ITGA2B: variants seen among roughly 807,000 people sequenced by gnomAD.
ITGA2B encodes the protein integrin alpha-IIb.
ITGA2B carries 91 observed loss-of-function variants against 142.0 expected under a neutral mutation model. That is an observed-to-expected ratio of 0.64 (90% CI 0.54 to 0.76). The LOEUF is 0.76. Ranked by LOEUF, ITGA2B falls within the 30% of genes least tolerant of loss-of-function variation. ITGA2B has a pLI of 0.00. For synonymous variants in ITGA2B, 536 were observed against 567.2 expected (o/e 0.94, Z 0.78); for missense variants, 1,231 against 1,350.8 (o/e 0.91, Z 1.39).
chr17:44,375,779 C>T, intron 25 of ITGA2B, 54 bp downstream of exon 25: 1 of 1,557,034 alleles, frequency 6.4e-7, no homozygotes, highest in Non-Finnish European at 8.7e-7. Flanking sequence ...CAGAGGTGCC[C>T]CGGTGGTTGG....
Position 44,380,501 on chromosome 17 carries a change from A to G in ITGA2B, c.1440-11T>C. 6.2e-7 allele frequency: 1 copy of G among 1,613,932 alleles called. No individual in the cohort carries two copies. The highest frequency in any genetic ancestry group is 8.5e-7 in the Non-Finnish European group (1 of 1,179,802). On this transcript the variant is annotated splice_polypyrimidine_tract_variant and intron_variant, in intron 14 of 29. Transcript: ENST00000262407. Reference sequence around the variant, plus strand: ...ACCACTGGCTGAGCTCTGATGGGATAGGGTGATGGGGTAGGCTTGCCATTG... The same window carrying G: ...ACCACTGGCTGAGCTCTGATGGGATGGGGTGATGGGGTAGGCTTGCCATTG...
In ITGA2B at chr17:44,385,870, C is replaced by T. The variant is rs866742833; in HGVS notation, c.362G>A (p.Arg121His). Reference sequence around the variant, plus strand: ...GACGACCGACGCCCCCAGTCCTTGGCGGGCCTTGAAGGTTTGTAAAGTTTG... The same window carrying T: ...GACGACCGACGCCCCCAGTCCTTGGTGGGCCTTGAAGGTTTGTAAAGTTTG... ...GSQTLQTFKA[R>H]QGLGASVVSW... Residue 121 changes from arginine to histidine, a missense_variant, in exon 3 of 30, where the codon CGC becomes CAC. Arg to His is a conservative substitution (Grantham distance 29). Coordinates refer to ENST00000262407, the MANE Select transcript of ITGA2B (RefSeq NM_000419.5). 4 of 1,606,374 alleles carry T rather than the reference C, an allele frequency of 2.5e-6. No homozygotes were observed. Among genetic ancestry groups the T allele is most frequent in the East Asian group, 2.2e-5 (1 of 44,660 alleles).
At chr17:44,389,191 A>G in intron 1 of ITGA2B, 95 bp downstream of exon 1, 1 of 1,372,722 alleles carries the variant, frequency 7.3e-7, no homozygotes, top group Non-Finnish European at 1.0e-6. Context: ...ACCTTGCTCA[A>G]CTGCTATCGC....
chr17:44,381,360 C>T (rs1015475751), intron 12 of ITGA2B, among the ~76,000 whole-genome samples: 3 of 151,352 alleles, frequency 2.0e-5, no homozygotes, highest in Non-Finnish European at 4.4e-5. Context: ...GATGGAGTCT[C>T]GCTCTGTTGT....
Position 44,378,433 on chromosome 17 carries a change from C to T in ITGA2B, c.2023G>A (p.Ala675Thr). 6.2e-7 allele frequency: 1 copy of T among 1,613,430 alleles called. No individual in the cohort carries two copies. Among genetic ancestry groups the T allele is most frequent in the Non-Finnish European group, 8.5e-7 (1 of 1,179,890 alleles). Residue 675 changes from alanine (A) to threonine (T), a missense_variant, in exon 20 of 30, where the codon GCC becomes ACC. By Grantham distance (58) the Ala-to-Thr change is moderately conservative. This residue lies in a region of ITGA2B where 908 missense variants were observed against 1,021.1 expected (regional missense o/e 0.89). Coordinates refer to ENST00000262407, the MANE Select transcript of ITGA2B (RefSeq NM_000419.5). ...QMDAANEGEG[A>T]YEAELAVHLP... is the part of the protein sequence containing the mutation. ...TGCACGGCCAGCTCTGCTTCATAGG[C>T]CCCCTCGCCCTCGTTGGCTGCGTCC...
chr17:44,375,498 C>A (rs540018137), intron 26 of ITGA2B, 93 bp downstream of exon 26: 1 of 1,483,054 alleles, frequency 6.7e-7, no homozygotes, highest in African/African-American at 1.4e-5. Context: ...CCCACAGAGG[C>A]CCACAGCACA....
chr17:44,388,347 CTTTCTTTT>C (rs1403831516), intron 1 of ITGA2B, among the ~76,000 whole-genome samples: 25 of 143,090 alleles, frequency 1.7e-4, no homozygotes, highest in South Asian at 1.3e-3. Context: ...TCCACATTTC[CTTTCTTTT>C]TTTTTTTTTT....
Position 44,378,389 on chromosome 17 carries a change from G to C in ITGA2B, c.2067C>G (p.His689Gln). 3 of 1,613,144 alleles carry C rather than the reference G, an allele frequency of 1.9e-6. No homozygotes were observed. Among genetic ancestry groups the C allele is most frequent in the South Asian group, 2.2e-5 (2 of 90,944 alleles). The part of the protein sequence containing the change: ...ELAVHLPQGA[H>Q]YMRALSNVEG... The stretch of plus-strand genomic sequence containing the variant: ...CGACATTGCTTAGGGCCCGCATGTA[G>C]TGGGCGCCCTGGGGCAGGTGCACGG... The change falls in exon 20 of 30, where the codon CAC becomes CAG. Residue 689 changes from histidine (H) to glutamine (Q), a missense_variant. Physicochemically the swap from His to Gln is conservative, Grantham distance 24. This residue lies in a region of ITGA2B where 908 missense variants were observed against 1,021.1 expected (regional missense o/e 0.89). Transcript: ENST00000262407.
chr17:44,373,567 C>T (rs1285965277), intron 29 of ITGA2B, among the ~76,000 whole-genome samples: 3 of 152,200 alleles, frequency 2.0e-5, no homozygotes, highest in Admixed American at 6.5e-5. Context: ...GCTTGAGACT[C>T]CTCCAGGTGC....
intron 12 of ITGA2B, among the ~76,000 whole-genome samples, chr17:44,382,921 C>CT (rs1253846811): frequency 6.6e-6 from 1 of 152,120 alleles, no homozygotes; most frequent in Non-Finnish European, 1.5e-5. Flanking sequence ...GGGCTCTATC[C>CT]TGGGCCTCTT....
At chr17:44,389,122 C>T (rs2048676289) in intron 1 of ITGA2B, among the ~76,000 whole-genome samples, 164 bp downstream of exon 1, 1 of 152,158 alleles carries the variant, frequency 6.6e-6, no homozygotes, top group Admixed American at 6.5e-5. Flanking sequence ...TCACCTGAGC[C>T]AGTCCCCTGG....
At chr17:44,374,333 C>G (rs753000821) in intron 29 of ITGA2B, 21 bp downstream of exon 29, 4 of 1,607,508 alleles carry the variant, frequency 2.5e-6, no homozygotes, top group Non-Finnish European at 2.6e-6. Flanking sequence ...GCTGGGGACT[C>G]CACCGTCCTT....
At position 44,383,701 on chromosome 17, in the gene ITGA2B, C is replaced by A; in HGVS notation, c.1002G>T (p.Arg334Ser). The stretch of plus-strand genomic sequence containing the variant: ...GTGGAGCGCCCACCAGCAGATCATG[C>A]CTCCTGTGGGCCAGATGAGTGGTTA... Reference protein sequence around the residue: ...VAVTDVNGDGRHDLLVGAPLY... With the variant: ...VAVTDVNGDGSHDLLVGAPLY... Residue 334 changes from arginine to serine, a missense_variant, in exon 12 of 30, where the codon AGG becomes AGT. By Grantham distance (110) the Arg-to-Ser change is moderately radical. Coordinates refer to ENST00000262407, the MANE Select transcript of ITGA2B (RefSeq NM_000419.5). The A allele has an allele frequency of 6.4e-7, 1 of 1,574,396 alleles. No homozygotes were observed. Among genetic ancestry groups the A allele is most frequent in the South Asian group, 1.2e-5 (1 of 86,288 alleles).
At chr17:44,385,977 A>T in intron 2 of ITGA2B, 33 bp downstream of exon 2, 1 of 1,614,046 alleles carries the variant, frequency 6.2e-7, no homozygotes, top group Non-Finnish European at 8.5e-7. Flanking sequence ...CGTCCCTCTG[A>T]CCCCAACCTT....
chr17:44,374,820 T>C, intron 27 of ITGA2B, 60 bp from the exon 28 acceptor site: 1 of 1,468,256 alleles, frequency 6.8e-7, no homozygotes, highest in South Asian at 1.1e-5. Context: ...GTTGCAGGAG[T>C]CCAGGTCCCA....
At position 44,384,326 on chromosome 17, in the gene ITGA2B, G is replaced by C. The variant is rs758928760; in HGVS notation, c.876C>G (p.Ser292Arg). 6.2e-7 allele frequency: 1 copy of C among 1,613,532 alleles called. No individual in the cohort carries two copies. Among genetic ancestry groups the C allele is most frequent in the Admixed American group, 1.7e-5 (1 of 60,008 alleles). ...GGGCACTTACCGCTCCCAGGGTCCA[G>C]CTCCAAGTGGGGGCACCGACGACAT... ...TEYVVGAPTW[S>R]WTLGAVEILD... Residue 292 changes from serine to arginine, a missense_variant, in exon 9 of 30, where the codon AGC becomes AGG. Coordinates refer to ENST00000262407, the MANE Select transcript of ITGA2B (RefSeq NM_000419.5).
rs147943739 is a variant in ITGA2B, at chr17:44,372,882, T to C, written c.3061-459A>G. Among the ~76,000 whole-genome samples the C allele has an allele frequency of 6.6e-5, 10 of 152,036 alleles. No individual in the cohort carries two copies. In the East Asian group the frequency reaches 2.0e-3, roughly 30 times the overall value. On this transcript the variant is annotated intron_variant, in intron 29 of 29. Coordinates refer to ENST00000262407, the MANE Select transcript of ITGA2B (RefSeq NM_000419.5). ...GTGATCTGCCTGCCTCAGCCTCCCA[T>C]TGTGTTGGGATTACAGGCATAAGCC...
intron 1 of ITGA2B, among the ~76,000 whole-genome samples, chr17:44,388,501 C>T (rs907896848): frequency 2.7e-5 from 4 of 150,384 alleles, no homozygotes; most frequent in African/African-American, 9.8e-5. Flanking sequence ...GGATTACAAG[C>T]ATGCGGCACC....
chr17:44,378,007 A>G (rs1026246794), intron 20 of ITGA2B, among the ~76,000 whole-genome samples: 1 of 151,964 alleles, frequency 6.6e-6, no homozygotes, highest in African/African-American at 2.4e-5. Context: ...ACAAAACATT[A>G]GAGTATGACC....
Sources: gnomAD v4.1 joint callset for allele counts (sites outside exome capture counted in the v4.1 genomes callset) on GRCh38, gnomAD v4.1.1 for gene constraint, gnomAD v4.1.1 regional missense constraint, MANE v1.5 for transcripts, NCBI Gene and HGNC (gene_info 2026-07-23, HGNC 2026-07-21) for gene names.